DPYSL5: variants seen among roughly 807,000 people sequenced by gnomAD.
DPYSL5 encodes dihydropyrimidinase like 5.
A neutral mutation model predicts 58.4 loss-of-function variants in DPYSL5; 9 were observed. The ratio of observed to expected loss-of-function variants is 0.15; its 90% CI spans 0.09 to 0.27. DPYSL5 has a LOEUF of 0.27. Ranked by LOEUF, DPYSL5 falls within the 10% of genes least tolerant of loss-of-function variation. The pLI, the probability that DPYSL5 is intolerant of heterozygous loss-of-function variation, is 1.00. For synonymous variants in DPYSL5, 293 were observed against 301.9 expected (o/e 0.97, Z 0.31); for missense variants, 499 against 770.6 (o/e 0.65, Z 4.17).
chr2:26,854,798 T>C (rs931521777), intron 1 of DPYSL5, among the ~76,000 whole-genome samples: 5 of 147,238 alleles, frequency 3.4e-5, no homozygotes. Flanking sequence ...ATTTAAATTT[T>C]TTTTCTTTTT....
intron 5 of DPYSL5, among the ~76,000 whole-genome samples, chr2:26,929,074 C>T (rs1017168591): frequency 6.6e-5 from 10 of 151,992 alleles, no homozygotes; most frequent in African/African-American, 2.2e-4. Context: ...CTGAGAGCCC[C>T]CTGGGCTCCA....
intron 1 of DPYSL5, among the ~76,000 whole-genome samples, chr2:26,882,191 A>C (rs1237101151): frequency 6.6e-6 from 1 of 152,066 alleles, no homozygotes; most frequent in Non-Finnish European, 1.5e-5. Flanking sequence ...ACCTTATTTC[A>C]ATTTTTTTTC....
chr2:26,892,703 A>G (rs1663914572), intron 1 of DPYSL5, among the ~76,000 whole-genome samples: 1 of 151,594 alleles, frequency 6.6e-6, no homozygotes, highest in Admixed American at 6.6e-5. Context: ...AAACAAAAAC[A>G]AAAAACAATT....
At chr2:26,851,321 C>T (rs904483797) in intron 1 of DPYSL5, among the ~76,000 whole-genome samples, 7 of 152,254 alleles carry the variant, frequency 4.6e-5, no homozygotes, top group African/African-American at 9.6e-5. Context: ...CAAGGAATGC[C>T]GGTATGACCA....
In DPYSL5 at chr2:26,934,755, A is replaced by G. The variant is rs755168960; in HGVS notation, c.947+21A>G. 5.6e-5 allele frequency: 90 copies of G among 1,613,348 alleles called. 3 individuals are homozygous for G. In the South Asian group the frequency reaches 9.7e-4, roughly 17 times the overall value. The stretch of plus-strand genomic sequence containing the variant: ...GCCAAGTAAGGCGTTTCAGCAGCAC[A>G]TTGCAGGGATGTGTACATCTTTAGG... On this transcript the variant is annotated intron_variant, in intron 8 of 12. Transcript: ENST00000288699. The surrounding 1 kb of genome is among the most constrained non-coding windows in gnomAD (Gnocchi z 4.3).
At chr2:26,880,051 C>T (rs1663516778) in intron 1 of DPYSL5, among the ~76,000 whole-genome samples, 1 of 152,156 alleles carries the variant, frequency 6.6e-6, no homozygotes, top group South Asian at 2.1e-4. Context: ...CCACCACACC[C>T]AGCTAACTTT....
In DPYSL5 at chr2:26,888,209, T is replaced by TTTTCTTTCTTTCTTTCTTTC. The variant is rs70953832; in HGVS notation, c.-4-10249_-4-10230dup. 1.3e-3 allele frequency among the ~76,000 whole-genome samples: 136 copies of TTTTCTTTCTTTCTTTCTTTC among 105,116 alleles called. 1 individual carries two copies. Among genetic ancestry groups the TTTTCTTTCTTTCTTTCTTTC allele is most frequent in the South Asian group, 3.4e-3 (10 of 2,934 alleles). The allele number at this position is 105,116 out of a possible 152,430, so 69.0% of individuals were successfully genotyped here. A position where few individuals can be genotyped will look rare whatever the true frequency, so the allele number is the denominator to read the frequency against. ...CTTTTTCCTTCCTTCCTTCCCTTTCTTTTCTTTCTTTCTTTCTTTCTTTCT... is the reference window on the plus strand; with the variant it reads ...CTTTTTCCTTCCTTCCTTCCCTTTCTTTTCTTTCTTTCTTTCTTTCTTTCTTTCTTTCTTTCTTTCTTTCT... On this transcript the variant is annotated intron_variant, in intron 1 of 12. Transcript: ENST00000288699.
rs954505978 is a variant in DPYSL5, at chr2:26,858,636, T to C, written c.-5+10382T>C. Among the ~76,000 whole-genome samples the C allele has an allele frequency of 2.0e-5, 3 of 151,882 alleles. No homozygotes were observed. In the East Asian group the frequency reaches 5.8e-4, roughly 29 times the overall value. The stretch of plus-strand genomic sequence containing the variant: ...CCCAGGCTAGAGTGCAGTGGCATGA[T>C]TGGGGCAGCCTCGATTTCCCAGGCT... On this transcript the variant is annotated intron_variant, in intron 1 of 12. Coordinates refer to ENST00000288699, the MANE Select transcript of DPYSL5 (RefSeq NM_020134.4).
In DPYSL5 at chr2:26,924,759, C is replaced by T. The variant is rs1377877557; in HGVS notation, c.262-128C>T. On this transcript the variant is annotated intron_variant, in intron 2 of 12. Transcript: ENST00000288699. This position sits in a 1 kb window ranked among gnomAD's most constrained non-coding sequence, Gnocchi z 4.7. ...TTACAGTTTCCCAAACCTCGCTGCC[C>T]TTGGTCCTCACAGCCTCTTGTGAGG... 16 of 1,321,752 alleles carry T rather than the reference C, an allele frequency of 1.2e-5. No homozygotes were observed. Among genetic ancestry groups the T allele is most frequent in the Non-Finnish European group, 1.6e-5 (16 of 994,076 alleles). 81.9% of individuals were successfully genotyped at this position (1,321,752 alleles called of 1,614,324 possible). A position where few individuals can be genotyped will look rare whatever the true frequency, so the allele number is the denominator to read the frequency against.
intron 1 of DPYSL5, among the ~76,000 whole-genome samples, chr2:26,854,716 T>C (rs192574308): frequency 2.1e-4 from 32 of 152,312 alleles, no homozygotes; most frequent in African/African-American, 7.7e-4. Context: ...ACAGATAATA[T>C]TGAAAGAATG....
At chr2:26,936,762 A>G (rs934837631) in intron 8 of DPYSL5, among the ~76,000 whole-genome samples, 5 of 151,654 alleles carry the variant, frequency 3.3e-5, no homozygotes, top group Admixed American at 1.3e-4. Context: ...CCTGGCCAAC[A>G]TGGTAAAATC....
chr2:26,917,041 T>G (rs1664581105), intron 2 of DPYSL5, among the ~76,000 whole-genome samples: 1 of 152,256 alleles, frequency 6.6e-6, no homozygotes, highest in African/African-American at 2.4e-5. Flanking sequence ...GTATGTCATT[T>G]AATTCTCATA....
intron 1 of DPYSL5, among the ~76,000 whole-genome samples, chr2:26,889,501 A>G (rs1663815489): frequency 6.6e-6 from 1 of 151,384 alleles, no homozygotes. Context: ...CAATCTCCTG[A>G]CCTCATGATC....
Position 26,949,200 on chromosome 2 carries a change from T to C in DPYSL5, c.*2205T>C, listed in dbSNP as rs1035279608. The stretch of plus-strand genomic sequence containing the variant: ...TTTTGCACAGGAAGATAGATTTTTT[T>C]TCTCATCTTTCTTATAAACAACCTC... On this transcript the variant is annotated 3_prime_UTR_variant, in exon 13 of 13. Transcript: ENST00000288699. 3.3e-5 allele frequency: 5 copies of C among 152,208 alleles called. No homozygotes were observed. Among genetic ancestry groups the C allele is most frequent in the Non-Finnish European group, 7.3e-5 (5 of 68,046 alleles). 9.4% of individuals were successfully genotyped at this position (152,208 alleles called of 1,614,324 possible).
chr2:26,867,775 C>T (rs1430535990), intron 1 of DPYSL5, among the ~76,000 whole-genome samples: 1 of 152,204 alleles, frequency 6.6e-6, no homozygotes, highest in Admixed American at 6.5e-5. Flanking sequence ...TGTTTTTGCC[C>T]TGCCAACAGT....
At chr2:26,887,287 C>CT (rs1268380890) in intron 1 of DPYSL5, among the ~76,000 whole-genome samples, 3 of 152,216 alleles carry the variant, frequency 2.0e-5, no homozygotes, top group Non-Finnish European at 4.4e-5. Context: ...CCTTTAAGGT[C>CT]TTTATGCAGG....
chr2:26,885,816 C>A lies in DPYSL5; in HGVS notation c.-4-12680C>A, dbSNP rs140638683. On this transcript the variant is annotated intron_variant, in intron 1 of 12. Coordinates refer to ENST00000288699, the MANE Select transcript of DPYSL5 (RefSeq NM_020134.4). Reference sequence around the variant, plus strand: ...ACCTGCCCTTCTGCTCTCCTCAGTTCCTTGCCCCAGGGTTGGGTTCTACTT... The same window carrying A: ...ACCTGCCCTTCTGCTCTCCTCAGTTACTTGCCCCAGGGTTGGGTTCTACTT... 7.4e-4 allele frequency among the ~76,000 whole-genome samples: 113 copies of A among 152,334 alleles called. 3 individuals are homozygous for A. Among genetic ancestry groups the A allele is most frequent in the Non-Finnish European group, 5.0e-4 (34 of 68,030 alleles).
intron 2 of DPYSL5, among the ~76,000 whole-genome samples, chr2:26,915,194 C>T (rs1426901421): frequency 3.9e-5 from 6 of 152,092 alleles, no homozygotes; most frequent in South Asian, 2.1e-4. Context: ...TAACACGCTC[C>T]GTGTCCTCCA....
chr2:26,867,834 AT>A lies in DPYSL5; in HGVS notation c.-5+19583del, dbSNP rs1285114055. 2.6e-5 allele frequency among the ~76,000 whole-genome samples: 4 copies of A among 152,074 alleles called. No homozygotes were observed. The East Asian group carries it at 7.7e-4, about 29-fold the overall frequency. ...TGTCTCCTCATGTTCTGTTGTTTTT[AT>A]TTCTATGGAGAGAGTCCTAGGGGTG... On this transcript the variant is annotated intron_variant, in intron 1 of 12. Coordinates refer to ENST00000288699, the MANE Select transcript of DPYSL5 (RefSeq NM_020134.4).
Sources: allele counts gnomAD v4.1 joint callset (sites outside exome capture counted in the v4.1 genomes callset), GRCh38; gene constraint gnomAD v4.1.1; non-coding constraint Gnocchi (gnomAD v3.1); transcripts MANE v1.5; gene names NCBI Gene and HGNC (gene_info 2026-07-23, HGNC 2026-07-21).